Variants in VPS26B observed in about 807,000 individuals in gnomAD.
VPS26B encodes the protein vacuolar protein sorting-associated protein 26B.
VPS26B carries 10 observed loss-of-function variants against 33.3 expected under a neutral mutation model. That is an observed-to-expected ratio of 0.30 (90% CI 0.19 to 0.51). VPS26B has a LOEUF of 0.51. VPS26B is among the 20% of genes least tolerant of loss of function. The pLI, the probability that VPS26B is intolerant of heterozygous loss-of-function variation, is 0.98. For synonymous variants in VPS26B, 190 were observed against 176.9 expected, an observed-to-expected ratio of 1.07 and a Z score of -0.59; for missense variants, 317 against 452.7, an observed-to-expected ratio of 0.70 and a Z score of 2.72.
rs1194678324 is a variant in VPS26B at position 134,225,026 on chromosome 11, T to C, written c.-97T>C. Reference sequence around the variant, plus strand: ...GCAGCCCCGCGGCGGCCGAGCGCGCTCGCGCATCGGGCCCTCTGGCCTTCT... The same window carrying C: ...GCAGCCCCGCGGCGGCCGAGCGCGCCCGCGCATCGGGCCCTCTGGCCTTCT... On this transcript the variant is annotated 5_prime_UTR_variant, in exon 1 of 6. Coordinates refer to ENST00000281187, the MANE Select transcript of VPS26B (RefSeq NM_052875.5). The C allele has an allele frequency of 1.3e-5, 15 of 1,187,456 alleles. No individual in the cohort carries two copies. The highest frequency in any genetic ancestry group is 1.6e-5 in the Non-Finnish European group (15 of 913,476). The allele number at this position is 1,187,456 out of a possible 1,614,324, so 73.6% of individuals were successfully genotyped here. A position where few individuals can be genotyped will look rare whatever the true frequency, so the allele number is the denominator to read the frequency against.
chr11:134,229,121 CT>C (rs1007382362), intron 1 of VPS26B, among the ~76,000 whole-genome samples: 6 of 152,162 alleles, frequency 3.9e-5, no homozygotes, highest in Admixed American at 3.9e-4. Context: ...CCTCAACCCC[CT>C]GGGCTCAAGC....
chr11:134,236,179 G>GA (rs530613613), intron 2 of VPS26B, among the ~76,000 whole-genome samples: 10 of 151,236 alleles, frequency 6.6e-5, no homozygotes, highest in Non-Finnish European at 1.0e-4. Context: ...TTTTTTAAAA[G>GA]AAAAAAAACA....
rs1938795392 is a variant in VPS26B at position 134,245,428 on chromosome 11, C to T, written c.865-16C>T. The T allele has an allele frequency of 6.2e-7, 1 of 1,613,902 alleles. No individual in the cohort carries two copies. Among genetic ancestry groups the T allele is most frequent in the East Asian group, 2.2e-5 (1 of 44,856 alleles). On this transcript the variant is annotated splice_polypyrimidine_tract_variant and intron_variant, in intron 5 of 5. Coordinates refer to ENST00000281187, the MANE Select transcript of VPS26B (RefSeq NM_052875.5). This position sits in a 1 kb window ranked among gnomAD's most constrained non-coding sequence, Gnocchi z 4.7. Reference sequence around the variant, plus strand: ...TCCCTCTAAGGTGTCACATTGCCCCCCTTTCAATTCTGCAGGAAGTGGTGT... The same window carrying T: ...TCCCTCTAAGGTGTCACATTGCCCCTCTTTCAATTCTGCAGGAAGTGGTGT...
chr11:134,239,893 T>C (rs754578714), intron 2 of VPS26B, 98 bp from the exon 3 acceptor site: 1 of 1,386,076 alleles, frequency 7.2e-7, no homozygotes, highest in South Asian at 1.2e-5. Context: ...TTAAGAACCT[T>C]TGTACAGGCT....
At chr11:134,235,492 CA>C (rs1938618414) in intron 2 of VPS26B, 1 of 153,064 alleles carries the variant, frequency 6.5e-6, no homozygotes, top group South Asian at 2.0e-4. Flanking sequence ...CTGTGTTTAA[CA>C]GCCAGGTCAT....
intron 2 of VPS26B, among the ~76,000 whole-genome samples, chr11:134,239,035 G>A (rs1025548067): frequency 1.3e-5 from 2 of 152,140 alleles, no homozygotes; most frequent in Non-Finnish European, 2.9e-5. Flanking sequence ...CAATTAAAGA[G>A]CTCCTCCTCA....
At position 134,240,774 on chromosome 11, in the gene VPS26B, C is replaced by CGTGT. The variant is rs145007065; in HGVS notation, c.545+634_545+637dup. On this transcript the variant is annotated intron_variant, in intron 3 of 5. Coordinates refer to ENST00000281187, the MANE Select transcript of VPS26B (RefSeq NM_052875.5). This position sits in a 1 kb window ranked among gnomAD's most constrained non-coding sequence, Gnocchi z 4.4. ...CCGCCACACCCAGCTAATTTGTGTC[C>CGTGT]GTGTGTGTGTGTGTGTGTCCGTGTG... Among the ~76,000 whole-genome samples, 2,056 of 137,990 alleles carry CGTGT rather than the reference C, an allele frequency of 0.015. 44 individuals carry two copies. The highest frequency in any genetic ancestry group is 0.047 in the African/African-American group (1,768 of 37,776). 90.5% of individuals were successfully genotyped at this position (137,990 alleles called of 152,430 possible).
chr11:134,225,780 G>T (rs1381060322), intron 1 of VPS26B, among the ~76,000 whole-genome samples: 5 of 152,070 alleles, frequency 3.3e-5, no homozygotes, highest in African/African-American at 2.4e-5. Context: ...ACTGCCAGAC[G>T]CAAAGTGAGG....
intron 1 of VPS26B, among the ~76,000 whole-genome samples, chr11:134,227,711 G>A (rs1466843753): frequency 2.6e-5 from 4 of 152,146 alleles, no homozygotes; most frequent in Non-Finnish European, 5.9e-5. Flanking sequence ...TCTGGGCCTC[G>A]GCTTTCTCAG....
chr11:134,238,580 A>G (rs1938670088), intron 2 of VPS26B, among the ~76,000 whole-genome samples: 1 of 152,014 alleles, frequency 6.6e-6, no homozygotes, highest in Admixed American at 6.6e-5. Flanking sequence ...ATCTTTATGT[A>G]TTTATTTATT....
At chr11:134,241,720 G>A (rs1303115160) in intron 3 of VPS26B, among the ~76,000 whole-genome samples, 3 of 152,242 alleles carry the variant, frequency 2.0e-5, no homozygotes, top group African/African-American at 7.2e-5. Flanking sequence ...TAGAGAGGCA[G>A]GGACGGGACA....
chr11:134,242,085 T>G (rs1181644467), intron 3 of VPS26B, among the ~76,000 whole-genome samples: 1 of 152,246 alleles, frequency 6.6e-6, no homozygotes, highest in African/African-American at 2.4e-5. Context: ...TGTATAACAT[T>G]TAGAATACAG....
In VPS26B at chr11:134,246,751, A is replaced by G. The variant is rs1430390311; in HGVS notation, c.*1161A>G. The G allele has an allele frequency of 6.6e-6, 1 of 152,426 alleles. No homozygotes were observed. Among genetic ancestry groups the G allele is most frequent in the African/African-American group, 2.4e-5 (1 of 41,384 alleles). 9.4% of individuals were successfully genotyped at this position (152,426 alleles called of 1,614,324 possible). On this transcript the variant is annotated 3_prime_UTR_variant, in exon 6 of 6. Coordinates refer to ENST00000281187, the MANE Select transcript of VPS26B (RefSeq NM_052875.5). ...GGTATCGTGTGTTTAAAAAACACATATAAAAAAACTCTTGTGAATATTCTT... is the reference window on the plus strand; with the variant it reads ...GGTATCGTGTGTTTAAAAAACACATGTAAAAAAACTCTTGTGAATATTCTT...
In VPS26B at chr11:134,245,788, A is replaced by C. The variant is rs533782779; in HGVS notation, c.*198A>C. The C allele has an allele frequency of 5.4e-3, 3,766 of 696,724 alleles. 33 individuals carry two copies. The highest frequency in any genetic ancestry group is 7.0e-3 in the Non-Finnish European group (3,026 of 434,518). 43.2% of individuals were successfully genotyped at this position (696,724 alleles called of 1,614,324 possible). A position where few individuals can be genotyped will look rare whatever the true frequency, so the allele number is the denominator to read the frequency against. Reference sequence around the variant, plus strand: ...GGGTGGGAAGCAGTCTCTCCTTGGGATTCTGCGGCCGATGTGGGATAGAAG... The same window carrying C: ...GGGTGGGAAGCAGTCTCTCCTTGGGCTTCTGCGGCCGATGTGGGATAGAAG... On this transcript the variant is annotated 3_prime_UTR_variant, in exon 6 of 6. Transcript: ENST00000281187. This position sits in a 1 kb window ranked among gnomAD's most constrained non-coding sequence, Gnocchi z 4.7.
intron 1 of VPS26B, 56 bp downstream of exon 1, chr11:134,225,401 G>A (rs1345125461): frequency 1.3e-6 from 2 of 1,559,366 alleles, no homozygotes; most frequent in East Asian, 2.3e-5. Context: ...CGGGGAGCAG[G>A]GTGATTCAGG....
chr11:134,240,066 C>A lies in VPS26B; in HGVS notation c.456C>A (p.Leu152=), dbSNP rs757218547. ...AGATGGACATTGTAGTTCACACACT[C>A]AGCACATACCCAGAGCTGAACTCTT... is the stretch of plus-strand genomic sequence containing the variant. The part of the protein sequence containing the change: ...VKEMDIVVHT[L]STYPELNSSI... The change falls in exon 3 of 6, where the codon CTC becomes CTA. Residue 152 remains leucine, a synonymous_variant. Coordinates refer to ENST00000281187, the MANE Select transcript of VPS26B (RefSeq NM_052875.5). The surrounding 1 kb of genome is among the most constrained non-coding windows in gnomAD (Gnocchi z 4.4). 1.3e-5 allele frequency: 21 copies of A among 1,614,210 alleles called. No homozygotes were observed. The highest frequency in any genetic ancestry group is 1.7e-5 in the Non-Finnish European group (20 of 1,180,034).
rs765361088 is a variant in VPS26B, at chr11:134,244,972, G to A, written c.756G>A (p.Gly252=). ...TCCCGATCCGGCTCTTCCTGGCCGG[G>A]TATGAGCTCACGCCCACCATGCGGG... ...ESIPIRLFLA[G]YELTPTMRDI... The change falls in exon 5 of 6, where the codon GGG becomes GGA. Residue 252 remains glycine, a synonymous_variant. Coordinates refer to ENST00000281187, the MANE Select transcript of VPS26B (RefSeq NM_052875.5). This position sits in a 1 kb window ranked among gnomAD's most constrained non-coding sequence, Gnocchi z 4.0. The A allele has an allele frequency of 1.9e-6, 3 of 1,614,052 alleles. No individual in the cohort carries two copies. Among genetic ancestry groups the A allele is most frequent in the South Asian group, 1.1e-5 (1 of 91,084 alleles).
At position 134,234,958 on chromosome 11, in the gene VPS26B, G is replaced by T. The variant is rs1245002053; in HGVS notation, c.285G>T (p.Arg95=). 2 of 1,614,182 alleles carry T rather than the reference G, an allele frequency of 1.2e-6. No homozygotes were observed. Among genetic ancestry groups the T allele is most frequent in the Non-Finnish European group, 1.7e-6 (2 of 1,180,032 alleles). The change falls in exon 2 of 6, where the codon CGG becomes CGT. Residue 95 remains arginine (R), a synonymous_variant. Transcript: ENST00000281187. ...EFVSLVKDLA[R]PGEITQSQAF... ...TGTCCCTGGTGAAGGACCTGGCCCG[G>T]CCTGGAGAGATCACCCAGTCGCAGG...
At chr11:134,236,356 G>T (rs1201883411) in intron 2 of VPS26B, 7 of 152,042 alleles carry the variant, frequency 4.6e-5, no homozygotes, top group Non-Finnish European at 8.8e-5. Context: ...TTTGTCTTAA[G>T]CGTTTGTACG....
Sources: allele counts gnomAD v4.1 joint callset (sites outside exome capture counted in the v4.1 genomes callset), GRCh38; gene constraint gnomAD v4.1.1; non-coding constraint Gnocchi (gnomAD v3.1); transcripts MANE v1.5; gene names NCBI Gene and HGNC (gene_info 2026-07-23, HGNC 2026-07-21).